GRM5: variants seen among roughly 807,000 people sequenced by gnomAD.
GRM5 encodes glutamate metabotropic receptor 5, also known as metabotropic glutamate receptor 5.
GRM5 carries 19 observed loss-of-function variants against 83.1 expected under a neutral mutation model. The observed-to-expected ratio is 0.23, with a 90% CI of 0.16 to 0.34. The LOEUF (loss-of-function observed/expected upper bound fraction) is 0.34. Among genes scored for constraint, GRM5 ranks in the 10% least tolerant of loss-of-function variants. GRM5 has a pLI of 1.00. For missense variants in GRM5, 1,160 were observed against 1,588.3 expected (o/e 0.73, Z 4.58); for synonymous variants, 675 against 633.6 (o/e 1.07, Z -0.98).
chr11:88,715,091 T>G (rs1483880707), intron 3 of GRM5, among the ~76,000 whole-genome samples: 1 of 152,024 alleles, frequency 6.6e-6, no homozygotes, highest in Non-Finnish European at 1.5e-5. Flanking sequence ...TTCGCCTTCA[T>G]AAAAATCCTC....
At chr11:88,580,958 A>C (rs1022067776) in intron 7 of GRM5, among the ~76,000 whole-genome samples, 3 of 152,072 alleles carry the variant, frequency 2.0e-5, no homozygotes, top group African/African-American at 7.2e-5. Flanking sequence ...AAATACAAAA[A>C]ATTAGCTGGC....
chr11:88,768,162 T>A (rs1049333280), intron 3 of GRM5, among the ~76,000 whole-genome samples: 1 of 152,002 alleles, frequency 6.6e-6, no homozygotes, highest in Admixed American at 6.6e-5. Context: ...AGTGTATTAT[T>A]TGCCACAGTT....
In GRM5 at chr11:89,047,165, G is replaced by A; in HGVS notation, c.661+47C>T. 1 of 1,387,838 alleles carries A rather than the reference G, an allele frequency of 7.2e-7. No individual in the cohort carries two copies. Among genetic ancestry groups the A allele is most frequent in the Non-Finnish European group, 9.9e-7 (1 of 1,006,690 alleles). 86.0% of individuals were successfully genotyped at this position (1,387,838 alleles called of 1,614,324 possible). ...TCTTCCCAAACCTGAAATTGTAACT[G>A]TTGAGTGCATAATAATATATACTCG... On this transcript the variant is annotated intron_variant, in intron 2 of 9. Coordinates refer to ENST00000305447, the MANE Select transcript of GRM5 (RefSeq NM_001143831.3). The surrounding 1 kb of genome is among the most constrained non-coding windows in gnomAD (Gnocchi z 5.1).
At chr11:88,850,703 CTG>C (rs1403164909) in intron 2 of GRM5, among the ~76,000 whole-genome samples, 1 of 151,292 alleles carries the variant, frequency 6.6e-6, no homozygotes, top group African/African-American at 2.4e-5. Flanking sequence ...AATTGAAAAA[CTG>C]AGATCCTTGC....
At chr11:89,039,278 A>AATAT (rs201313831) in intron 2 of GRM5, among the ~76,000 whole-genome samples, 14 of 149,180 alleles carry the variant, frequency 9.4e-5, no homozygotes, top group Admixed American at 2.7e-4. Flanking sequence ...ATAAAAAAAA[A>AATAT]ATATATATAT....
At chr11:88,730,440 C>T (rs1250614789) in intron 3 of GRM5, among the ~76,000 whole-genome samples, 1 of 151,990 alleles carries the variant, frequency 6.6e-6, no homozygotes, top group East Asian at 1.9e-4. Flanking sequence ...TTAGTTAAAC[C>T]ATTGTGGAAG....
At chr11:88,585,287 T>C (rs1162064296) in intron 7 of GRM5, among the ~76,000 whole-genome samples, 1 of 152,262 alleles carries the variant, frequency 6.6e-6, no homozygotes, top group African/African-American at 2.4e-5. Context: ...TATGCTTTTC[T>C]TTTGTTAATC....
intron 3 of GRM5, among the ~76,000 whole-genome samples, chr11:88,679,861 A>G (rs1203286713): frequency 6.6e-6 from 1 of 152,140 alleles, no homozygotes; most frequent in African/African-American, 2.4e-5. Context: ...GCACCATTCT[A>G]TTTATGAATA....
intron 2 of GRM5, chr11:88,984,790 C>G: frequency 1.4e-6 from 1 of 739,272 alleles, no homozygotes; most frequent in East Asian, 2.5e-5. Flanking sequence ...AACAGAGAGA[C>G]AGCACTTGGA....
At chr11:88,939,926 G>A (rs868674827) in intron 2 of GRM5, among the ~76,000 whole-genome samples, 3 of 151,646 alleles carry the variant, frequency 2.0e-5, no homozygotes, top group Middle Eastern at 3.4e-3. Flanking sequence ...ACATAGGCTG[G>A]GGTGGCAGTA....
intron 2 of GRM5, among the ~76,000 whole-genome samples, chr11:89,013,101 A>G (rs968458469): frequency 3.3e-5 from 5 of 152,358 alleles, no homozygotes; most frequent in African/African-American, 1.2e-4. Flanking sequence ...CAAAGTTGAT[A>G]GGTACTCCCT....
At chr11:88,994,463 AT>A (rs1370012064) in intron 2 of GRM5, among the ~76,000 whole-genome samples, 37 of 99,944 alleles carry the variant, frequency 3.7e-4, no homozygotes, top group African/African-American at 9.6e-4. Context: ...ATATATATAT[AT>A]ATATATATAT....
chr11:88,572,312 A>G (rs1243038131), intron 7 of GRM5, among the ~76,000 whole-genome samples: 5 of 152,208 alleles, frequency 3.3e-5, no homozygotes, highest in African/African-American at 1.2e-4. Context: ...TGAATGAGAG[A>G]GGGAGAGAAT....
intron 2 of GRM5, among the ~76,000 whole-genome samples, chr11:88,887,444 A>G (rs1313694116): frequency 1.3e-5 from 2 of 152,092 alleles, no homozygotes; most frequent in African/African-American, 4.8e-5. Flanking sequence ...GGAGCCAGAC[A>G]GGTCACACAA....
chr11:88,601,542 A>G (rs1285413406), intron 5 of GRM5, among the ~76,000 whole-genome samples: 1 of 152,204 alleles, frequency 6.6e-6, no homozygotes, highest in Non-Finnish European at 1.5e-5. Context: ...GAGTCACTTA[A>G]TGTAAAATAT....
intron 4 of GRM5, among the ~76,000 whole-genome samples, chr11:88,612,647 A>G (rs1412220891): frequency 7.4e-5 from 3 of 40,592 alleles, no homozygotes; most frequent in African/African-American, 1.1e-4. Flanking sequence ...CTGACTTTTT[A>G]ATGATTGCCA....
In GRM5 at chr11:89,047,949, C is replaced by T. The variant is rs1941678952; in HGVS notation, c.-77G>A. ...GAGGGTTCTGATAGCTACGAACAAG[C>T]GATGTCCTACGTTGAGTCGCAAATC... On this transcript the variant is annotated 5_prime_UTR_variant, in exon 2 of 10. Coordinates refer to ENST00000305447, the MANE Select transcript of GRM5 (RefSeq NM_001143831.3). The surrounding 1 kb of genome is among the most constrained non-coding windows in gnomAD (Gnocchi z 5.1). The T allele has an allele frequency of 1.1e-5, 11 of 1,043,578 alleles. No individual in the cohort carries two copies. The highest frequency in any genetic ancestry group is 2.4e-5 in the East Asian group (1 of 41,614). 64.6% of individuals were successfully genotyped at this position (1,043,578 alleles called of 1,614,324 possible). A position where few individuals can be genotyped will look rare whatever the true frequency, so the allele number is the denominator to read the frequency against.
intron 4 of GRM5, among the ~76,000 whole-genome samples, chr11:88,609,367 G>A (rs1447271961): frequency 6.6e-6 from 1 of 152,086 alleles, no homozygotes; most frequent in African/African-American, 2.4e-5. Flanking sequence ...ATGTACCATG[G>A]TGCATGGTAC....
chr11:88,627,749 C>G (rs528806313), intron 4 of GRM5, among the ~76,000 whole-genome samples: 3 of 152,246 alleles, frequency 2.0e-5, no homozygotes, highest in Non-Finnish European at 2.9e-5. Flanking sequence ...TCTTCTGTCA[C>G]CTAACAATAA....
Sources: allele counts gnomAD v4.1 joint callset (sites outside exome capture counted in the v4.1 genomes callset), GRCh38; gene constraint gnomAD v4.1.1; non-coding constraint Gnocchi (gnomAD v3.1); transcripts MANE v1.5; gene names NCBI Gene and HGNC (gene_info 2026-07-23, HGNC 2026-07-21).